Variants in SLC15A2 observed in about 807,000 individuals in gnomAD.
SLC15A2 encodes the protein solute carrier family 15 member 2.
In SLC15A2, 77 loss-of-function variants were observed where a neutral mutation model predicts 95.5. That is an observed-to-expected ratio of 0.81 (90% confidence interval 0.67 to 0.97). The LOEUF (loss-of-function observed/expected upper bound fraction) is 0.97. Ranked by LOEUF, SLC15A2 falls within the 50% of genes least tolerant of loss-of-function variation. SLC15A2 has a pLI of 0.00. For missense variants in SLC15A2, 893 were observed against 874.4 expected (o/e 1.02, Z -0.27); for synonymous variants, 306 against 306.9 (o/e 1.00, Z 0.03).
intron 3 of SLC15A2, among the ~76,000 whole-genome samples, chr3:121,904,721 A>C (rs1190630508): frequency 6.6e-6 from 1 of 152,184 alleles, no homozygotes; most frequent in African/African-American, 2.4e-5. Context: ...ATGGTGGATA[A>C]CCTTTCTGAT....
In SLC15A2 at chr3:121,922,771, C is replaced by T; in HGVS notation, c.781-4C>T. The T allele has an allele frequency of 6.2e-6, 10 of 1,611,654 alleles. No homozygotes were observed. Among genetic ancestry groups the T allele is most frequent in the Non-Finnish European group, 8.5e-6 (10 of 1,178,038 alleles). On this transcript the variant is annotated splice_polypyrimidine_tract_variant and splice_region_variant and intron_variant, in intron 8 of 21. Coordinates refer to ENST00000489711, the MANE Select transcript of SLC15A2 (RefSeq NM_021082.4). ...TCTCCCATGATGTCTACTCTCTGCC[C>T]TAGTTTGCTATTTCCAATCGTTTCA...
At chr3:121,922,406 T>G in intron 8 of SLC15A2, 104 bp downstream of exon 8, 1 of 811,374 alleles carries the variant, frequency 1.2e-6, no homozygotes, top group South Asian at 1.7e-5. Context: ...CTCAATGACC[T>G]CTATTCTATT....
At chr3:121,899,373 G>T (rs1709481093) in intron 3 of SLC15A2, among the ~76,000 whole-genome samples, 1 of 151,820 alleles carries the variant, frequency 6.6e-6, no homozygotes, top group African/African-American at 2.4e-5. Context: ...CTCTCCCTAG[G>T]GTCTCTGTAC....
chr3:121,895,475 G>T (rs1436125254), intron 1 of SLC15A2: 1 of 152,110 alleles, frequency 6.6e-6, no homozygotes, highest in Non-Finnish European at 1.5e-5. Context: ...AGGGTTAAAA[G>T]AATAATACAT....
chr3:121,937,344 A>G (rs1165587073), intron 19 of SLC15A2, among the ~76,000 whole-genome samples: 20 of 98,544 alleles, frequency 2.0e-4, no homozygotes, highest in African/African-American at 8.1e-4. Context: ...CTCCTGGATA[A>G]TATCCTGCAG....
At chr3:121,918,666 T>C (rs1576680524) in intron 7 of SLC15A2, among the ~76,000 whole-genome samples, 1 of 151,994 alleles carries the variant, frequency 6.6e-6, no homozygotes, top group East Asian at 1.9e-4. Flanking sequence ...TAAGAAGGAA[T>C]GGCCAAAGTG....
intron 19 of SLC15A2, among the ~76,000 whole-genome samples, chr3:121,937,552 C>T (rs1398677444): frequency 2.0e-5 from 3 of 151,300 alleles, no homozygotes; most frequent in African/African-American, 4.9e-5. Flanking sequence ...TCCAGTGGAT[C>T]GCATCGGCTC....
Position 121,931,742 on chromosome 3 carries a change from A to G in SLC15A2, c.1761+7A>G, listed in dbSNP as rs1316369528. ...TCTGTTTGTTATTACTAATGTAAGT[A>G]GCTCACAGCCACCTCTTTACCCTCT... On this transcript the variant is annotated splice_region_variant and intron_variant, in intron 19 of 21. Coordinates refer to ENST00000489711, the MANE Select transcript of SLC15A2 (RefSeq NM_021082.4). The G allele has an allele frequency of 6.5e-7, 1 of 1,537,410 alleles. No homozygotes were observed.
At chr3:121,933,774 C>G (rs1330813977) in intron 19 of SLC15A2, among the ~76,000 whole-genome samples, 2 of 150,640 alleles carry the variant, frequency 1.3e-5, no homozygotes, top group East Asian at 1.9e-4. Flanking sequence ...TAATTAGATC[C>G]CATTTGTCAA....
At chr3:121,915,964 C>CT (rs796654107) in intron 7 of SLC15A2, among the ~76,000 whole-genome samples, 11 of 151,946 alleles carry the variant, frequency 7.2e-5, no homozygotes, top group African/African-American at 2.4e-4. Flanking sequence ...GGGACTTGGG[C>CT]TTTTTTTTAG....
In SLC15A2 at chr3:121,929,034, A is replaced by G. The variant is rs748018463; in HGVS notation, c.1394A>G (p.His465Arg). The G allele has an allele frequency of 6.4e-5, 104 of 1,614,134 alleles. No individual in the cohort carries two copies. Among genetic ancestry groups the G allele is most frequent in the Non-Finnish European group, 2.5e-5 (29 of 1,179,980 alleles). The change falls in exon 16 of 22, where the codon CAC becomes CGC. Residue 465 changes from histidine (H) to arginine (R), a missense_variant. Physicochemically the swap from His to Arg is conservative, Grantham distance 29 (BLOSUM62 0). Transcript: ENST00000489711. ...CTGAAAACAAAAAGCCAGGATTTTC[A>G]CTTCCACCTGAAATATCACAATTTG... Reference protein sequence around the residue: ...LHLKTKSQDFHFHLKYHNLSL... With the variant: ...LHLKTKSQDFRFHLKYHNLSL...
intron 3 of SLC15A2, among the ~76,000 whole-genome samples, chr3:121,910,320 C>A (rs1250531938): frequency 6.6e-6 from 1 of 151,960 alleles, no homozygotes; most frequent in African/African-American, 2.4e-5. Flanking sequence ...CCTCAGCCTC[C>A]CCGCTAGCTG....
intron 19 of SLC15A2, 66 bp from the exon 20 acceptor site, chr3:121,939,283 T>C (rs1342902595): frequency 5.7e-6 from 7 of 1,237,798 alleles, no homozygotes; most frequent in Non-Finnish European, 7.6e-6. Flanking sequence ...GATCGTAGAA[T>C]GCTGTAGTTA....
Position 121,927,847 on chromosome 3 carries a change from C to G in SLC15A2, c.1206+8C>G. ...GTAGAGATAAAAATAAATGTGAGTTCAGTAATTCTTAAGCTCTATGAGGGC... is the reference window on the plus strand; with the variant it reads ...GTAGAGATAAAAATAAATGTGAGTTGAGTAATTCTTAAGCTCTATGAGGGC... On this transcript the variant is annotated splice_region_variant and intron_variant, in intron 14 of 21. Coordinates refer to ENST00000489711, the MANE Select transcript of SLC15A2 (RefSeq NM_021082.4). 6.2e-7 allele frequency: 1 copy of G among 1,602,506 alleles called. No individual in the cohort carries two copies. The highest frequency in any genetic ancestry group is 8.6e-7 in the Non-Finnish European group (1 of 1,169,424).
intron 3 of SLC15A2, among the ~76,000 whole-genome samples, chr3:121,900,995 T>A (rs1709509307): frequency 6.7e-6 from 1 of 149,266 alleles, no homozygotes. Flanking sequence ...ATAATATGTA[T>A]AATATATAAG....
intron 19 of SLC15A2, among the ~76,000 whole-genome samples, chr3:121,938,324 C>A (rs967444308): frequency 6.6e-6 from 1 of 152,260 alleles, no homozygotes; most frequent in Non-Finnish European, 1.5e-5. Flanking sequence ...CTTTGTTTAC[C>A]TAAGCAAGCC....
chr3:121,923,214 T>C lies in SLC15A2; in HGVS notation c.958-8T>C. 1 of 1,613,996 alleles carries C rather than the reference T, an allele frequency of 6.2e-7. No individual in the cohort carries two copies. The highest frequency in any genetic ancestry group is 1.3e-5 in the African/African-American group (1 of 75,040). The stretch of plus-strand genomic sequence containing the variant: ...GGGATTTCTCATAACAGGATCTGTT[T>C]GCCCTAGGGTTCACGATGGACTTTG... On this transcript the variant is annotated splice_polypyrimidine_tract_variant and splice_region_variant and intron_variant, in intron 10 of 21. Coordinates refer to ENST00000489711, the MANE Select transcript of SLC15A2 (RefSeq NM_021082.4).
intron 17 of SLC15A2, 54 bp downstream of exon 17, chr3:121,929,402 C>T: frequency 2.6e-6 from 4 of 1,561,632 alleles, no homozygotes; most frequent in Admixed American, 1.7e-5. Flanking sequence ...TCTTGGATCT[C>T]TTCTAATCTT....
At chr3:121,898,407 C>G (rs907227030) in intron 3 of SLC15A2, among the ~76,000 whole-genome samples, 1 of 152,096 alleles carries the variant, frequency 6.6e-6, no homozygotes, top group African/African-American at 2.4e-5. Flanking sequence ...CTGAACACAG[C>G]ACCAAGAGAT....
Sources: allele counts gnomAD v4.1 joint callset (sites outside exome capture counted in the v4.1 genomes callset), GRCh38; gene constraint gnomAD v4.1.1; transcripts MANE v1.5; gene names NCBI Gene and HGNC (gene_info 2026-07-23, HGNC 2026-07-21).